Variants in SCARB2 observed in about 807,000 individuals in gnomAD.
The protein encoded by SCARB2 is scavenger receptor class B member 2.
In SCARB2, 29 loss-of-function variants were observed where a neutral mutation model predicts 58.6. The observed-to-expected ratio is 0.49, with a 90% CI of 0.37 to 0.67. The LOEUF (loss-of-function observed/expected upper bound fraction) is 0.67, where lower values mean the gene tolerates loss of function less well. SCARB2 is among the 30% of genes least tolerant of loss of function. SCARB2 has a pLI of 0.00. For missense variants in SCARB2, 488 were observed against 578.5 expected, an observed-to-expected ratio of 0.84 and a Z score of 1.60; for synonymous variants, 195 against 210.1, an observed-to-expected ratio of 0.93 and a Z score of 0.62.
chr4:76,201,654 A>G (rs925638788), intron 1 of SCARB2, among the ~76,000 whole-genome samples: 1 of 152,258 alleles, frequency 6.6e-6, no homozygotes, highest in African/African-American at 2.4e-5. Flanking sequence ...TAACTTTCTT[A>G]GCTGCAAATA....
intron 1 of SCARB2, among the ~76,000 whole-genome samples, chr4:76,202,965 A>T (rs1732860088): frequency 6.6e-6 from 1 of 152,070 alleles, no homozygotes; most frequent in Non-Finnish European, 1.5e-5. Flanking sequence ...AATGTTCTTG[A>T]ATATATTTGT....
chr4:76,217,017 TG>T (rs1733219681), upstream of SCARB2, among the ~76,000 whole-genome samples: 2 of 152,220 alleles, frequency 1.3e-5, no homozygotes, highest in African/African-American at 4.8e-5. Context: ...CAGAAGCTTT[TG>T]ACACAAAGCC....
At chr4:76,185,596 A>G (rs1458715105) in intron 2 of SCARB2, among the ~76,000 whole-genome samples, 2 of 152,246 alleles carry the variant, frequency 1.3e-5, no homozygotes, top group Admixed American at 6.5e-5. Flanking sequence ...TTTAGAAACA[A>G]TAGACTGAGA....
At chr4:76,174,440 T>A (rs1732204882) in intron 6 of SCARB2, 127 bp from the exon 7 acceptor site, 4 of 795,840 alleles carry the variant, frequency 5.0e-6, no homozygotes, top group Non-Finnish European at 8.6e-6. Flanking sequence ...TAGAAAGGAA[T>A]GTTTGGAAGG....
chr4:76,163,199 A>T (rs1560703145), intron 11 of SCARB2, 26 bp downstream of exon 11: 1 of 1,614,010 alleles, frequency 6.2e-7, no homozygotes, highest in African/African-American at 1.3e-5. Context: ...TCCAGTAAGG[A>T]AGAAGTTCCT....
At chr4:76,183,376 T>C (rs4859625) in intron 2 of SCARB2, among the ~76,000 whole-genome samples, 16,684 of 152,268 alleles carry the variant, frequency 0.11, 1,136 homozygotes, top group East Asian at 0.21. Flanking sequence ...CCTGTGCTTC[T>C]GAACTAATGG....
chr4:76,176,517 A>C lies in SCARB2; in HGVS notation c.624T>G (p.Thr208=). 1 of 1,607,892 alleles carries C rather than the reference A, an allele frequency of 6.2e-7. No homozygotes were observed. Among genetic ancestry groups the C allele is most frequent in the Non-Finnish European group, 8.5e-7 (1 of 1,175,494 alleles). Residue 208 remains threonine (T), a synonymous_variant, in exon 5 of 12, where the codon ACT becomes ACG. Transcript: ENST00000264896. The part of the protein sequence containing the change: ...YFGLFYEKNG[T]NDGDYVFLTG... ...TTAGAAAAACATAGTCTCCATCATT[A>C]GTCCCATTTTTCTGAAAATATGTGA...
chr4:76,198,451 T>C (rs1264666738), intron 1 of SCARB2, among the ~76,000 whole-genome samples: 1 of 152,238 alleles, frequency 6.6e-6, no homozygotes, highest in African/African-American at 2.4e-5. Flanking sequence ...CAGTGTGACT[T>C]GAACTTGTTC....
intron 1 of SCARB2, among the ~76,000 whole-genome samples, chr4:76,226,628 C>A (rs1733403703): frequency 6.6e-6 from 1 of 152,116 alleles, no homozygotes; most frequent in African/African-American, 2.4e-5. Context: ...GGACATGTTC[C>A]AAGACTCTTC....
chr4:76,207,219 T>C (rs769519260), intron 1 of SCARB2, among the ~76,000 whole-genome samples: 24 of 152,204 alleles, frequency 1.6e-4, no homozygotes, highest in Non-Finnish European at 3.2e-4. Context: ...GGTTACGTGA[T>C]ATATAATGAT....
rs193140628 is a variant in SCARB2, at chr4:76,191,039, C to T, written c.275+4668G>A. 2.2e-4 allele frequency among the ~76,000 whole-genome samples: 34 copies of T among 152,236 alleles called. No individual in the cohort carries two copies. The East Asian group carries it at 6.6e-3, about 29-fold the overall frequency. On this transcript the variant is annotated intron_variant, in intron 2 of 11. Transcript: ENST00000264896. ...GAATGACACTATTTTGGATAGTTTG[C>T]AGAGTCTCCATCACATCTTAAGGAA...
chr4:76,201,331 G>C (rs191040822), intron 1 of SCARB2, among the ~76,000 whole-genome samples: 1 of 152,268 alleles, frequency 6.6e-6, no homozygotes, highest in African/African-American at 2.4e-5. Context: ...GTTTTATAAG[G>C]AAAATGTGTT....
intron 2 of SCARB2, among the ~76,000 whole-genome samples, chr4:76,182,299 T>C (rs922118439): frequency 2.0e-5 from 3 of 152,336 alleles, no homozygotes; most frequent in African/African-American, 7.2e-5. Flanking sequence ...TGTGGCTAAC[T>C]GGAATTGAGA....
chr4:76,230,004 C>T (rs1034198859), intron 1 of SCARB2, among the ~76,000 whole-genome samples: 4 of 152,018 alleles, frequency 2.6e-5, no homozygotes, highest in South Asian at 2.1e-4. Context: ...GCACCAGCTA[C>T]GATAGTAGAA....
At chr4:76,194,256 T>A (rs1732663254) in intron 2 of SCARB2, 3 of 152,250 alleles carry the variant, frequency 2.0e-5, no homozygotes, top group African/African-American at 7.2e-5. Flanking sequence ...AATTACCCAG[T>A]CTCAGGTATT....
intron 1 of SCARB2, among the ~76,000 whole-genome samples, chr4:76,201,941 C>T (rs979018005): frequency 1.3e-5 from 2 of 152,176 alleles, no homozygotes; most frequent in South Asian, 2.1e-4. Context: ...TTGTGCTAAG[C>T]CACTGTTCTA....
intron 2 of SCARB2, among the ~76,000 whole-genome samples, chr4:76,181,374 G>C (rs928748573): frequency 6.6e-6 from 1 of 152,104 alleles, no homozygotes; most frequent in Non-Finnish European, 1.5e-5. Context: ...ACCTTGACCG[G>C]GAATCAAAGC....
At chr4:76,234,039 G>A (rs1733538658) in intron 1 of SCARB2, among the ~76,000 whole-genome samples, 1 of 152,242 alleles carries the variant, frequency 6.6e-6, no homozygotes, top group Admixed American at 6.5e-5. Flanking sequence ...GCGGGTCAGA[G>A]ATGGCCTTTC....
chr4:76,207,309 T>C (rs1487006851), intron 1 of SCARB2, among the ~76,000 whole-genome samples: 2 of 152,300 alleles, frequency 1.3e-5, no homozygotes, highest in African/African-American at 4.8e-5. Flanking sequence ...ATTTCTAATA[T>C]TGTAACTATC....
Sources: allele counts gnomAD v4.1 joint callset (sites outside exome capture counted in the v4.1 genomes callset), GRCh38; gene constraint gnomAD v4.1.1; transcripts MANE v1.5; gene names NCBI Gene and HGNC (gene_info 2026-07-23, HGNC 2026-07-21).